The following SHB variants were observed in gnomAD, a reference collection of about 807,000 sequenced individuals.
SHB encodes SH2 domain containing adaptor protein B.
A neutral mutation model predicts 52.3 loss-of-function variants in SHB; 20 were observed. The ratio of observed to expected loss-of-function variants is 0.38; its 90% confidence interval spans 0.27 to 0.56. The LOEUF is 0.56. Among genes scored for constraint, SHB ranks in the 20% least tolerant of loss-of-function variants. The pLI, the probability that SHB is intolerant of heterozygous loss-of-function variation, is 0.71. For missense variants in SHB, 825 were observed against 723.3 expected (o/e 1.14, Z -1.61); for synonymous variants, 397 against 316.5 (o/e 1.25, Z -2.70).
At chr9:37,927,266 T>C (rs12002298) in intron 5 of SHB, among the ~76,000 whole-genome samples, 4,972 of 152,350 alleles carry the variant, frequency 0.033, 127 homozygotes, top group East Asian at 0.11. Context: ...GGAGGCCACG[T>C]GGCCAACACC....
rs1476967030 is a variant in SHB at position 38,036,276 on chromosome 9, GAACT to G, written c.718-20149_718-20146del. Among the ~76,000 whole-genome samples, 7 of 152,320 alleles carry G rather than the reference GAACT, an allele frequency of 4.6e-5. No individual in the cohort carries two copies. In the East Asian group the frequency reaches 7.7e-4, roughly 17 times the overall value. The stretch of plus-strand genomic sequence containing the variant: ...CTCCAGACCAAACCTCAACGAGGTA[GAACT>G]AACAGGGGAATGAATTTCTAAAACA... On this transcript the variant is annotated intron_variant, in intron 1 of 5. Coordinates refer to ENST00000377707, the MANE Select transcript of SHB (RefSeq NM_003028.3).
chr9:38,065,893 A>AT (rs570838743), intron 1 of SHB, among the ~76,000 whole-genome samples: 29 of 152,158 alleles, frequency 1.9e-4, no homozygotes, highest in East Asian at 5.8e-4. Flanking sequence ...CCAGCCAACC[A>AT]TGGTGACCAC....
At chr9:38,021,756 T>C (rs1341742457) in intron 1 of SHB, among the ~76,000 whole-genome samples, 1 of 152,044 alleles carries the variant, frequency 6.6e-6, no homozygotes, top group African/African-American at 2.4e-5. Context: ...TATTGCCCCA[T>C]GGTCACCTTC....
chr9:37,974,624 G>C lies in SHB; in HGVS notation c.1052C>G (p.Ala351Gly). 6.2e-7 allele frequency: 1 copy of C among 1,611,948 alleles called. No individual in the cohort carries two copies. Among genetic ancestry groups the C allele is most frequent in the Non-Finnish European group, 8.5e-7 (1 of 1,179,658 alleles). Residue 351 changes from alanine to glycine, a missense_variant and splice_region_variant, in exon 3 of 6, where the codon GCA (alanine) becomes GGA (glycine). Coordinates refer to ENST00000377707, the MANE Select transcript of SHB (RefSeq NM_003028.3). ...TGAGCAGGGTCAGGGCTCCTTACCT[G>C]CCAGGGCTGGGATGGTGACCCGGTT... Reference protein sequence around the residue: ...EWNRVTIPALAAQFNGNEKRQ... With the variant: ...EWNRVTIPALGAQFNGNEKRQ...
At position 38,067,968 on chromosome 9, in the gene SHB, G is replaced by A. The variant is rs1181222425; in HGVS notation, c.678C>T (p.Ala226=). ...GGKKLLNKCA[A]SAAEESGAGK... is the part of the protein sequence containing the mutation. The stretch of plus-strand genomic sequence containing the variant: ...CGGCCCCGCTCTCCTCCGCGGCTGA[G>A]GCGGCGCACTTGTTGAGCAGTTTCT... The change falls in exon 1 of 6, where the codon GCC becomes GCT. Residue 226 remains alanine, a synonymous_variant. Coordinates refer to ENST00000377707, the MANE Select transcript of SHB (RefSeq NM_003028.3). 1.9e-6 allele frequency: 3 copies of A among 1,553,420 alleles called. No homozygotes were observed. In the East Asian group the frequency reaches 7.4e-5, roughly 38 times the overall value.
rs556075533 is a variant in SHB at position 37,953,049 on chromosome 9, C to A, written c.1226+2834G>T. On this transcript the variant is annotated intron_variant, in intron 4 of 5. Coordinates refer to ENST00000377707, the MANE Select transcript of SHB (RefSeq NM_003028.3). ...TGGAAAGTCAGACCTTCAGGTCAAG[C>A]AGAGGCAAGGAGCCAGCAGAGGAGA... 1.6e-4 allele frequency among the ~76,000 whole-genome samples: 25 copies of A among 151,932 alleles called. 3 individuals carry two copies. The highest frequency in any genetic ancestry group is 4.8e-4 in the African/African-American group (20 of 41,418).
In SHB at chr9:37,948,661, G is replaced by T; in HGVS notation, c.1320C>A (p.Ser440Arg). ...CSYLVRNSQT[S>R]KHDYSLSLRS... is the part of the protein sequence containing the mutation. ...TCAGGGAGAGGGAGTAGTCATGCTTGCTGGTCTGGCTGTTCCGGACAAGGT... is the reference window on the plus strand; with the variant it reads ...TCAGGGAGAGGGAGTAGTCATGCTTTCTGGTCTGGCTGTTCCGGACAAGGT... The change falls in exon 5 of 6, where the codon AGC (serine) becomes AGA (arginine). Residue 440 changes from serine to arginine, a missense_variant. Coordinates refer to ENST00000377707, the MANE Select transcript of SHB (RefSeq NM_003028.3). 6.2e-7 allele frequency: 1 copy of T among 1,613,890 alleles called. No individual in the cohort carries two copies.
At chr9:38,036,941 C>T (rs899448718) in intron 1 of SHB, among the ~76,000 whole-genome samples, 1 of 152,298 alleles carries the variant, frequency 6.6e-6, no homozygotes, top group African/African-American at 2.4e-5. Flanking sequence ...AACTCGGGTG[C>T]TGTCTCTTAA....
chr9:38,000,620 G>T (rs1173849550), intron 2 of SHB, among the ~76,000 whole-genome samples: 1 of 152,262 alleles, frequency 6.6e-6, no homozygotes, highest in Non-Finnish European at 1.5e-5. Context: ...CTGCAACGCT[G>T]GGCTAACCTG....
Position 38,068,580 on chromosome 9 carries a change from C to T in SHB, c.66G>A (p.Pro22=). 1.3e-6 allele frequency: 2 copies of T among 1,490,898 alleles called. No individual in the cohort carries two copies. The highest frequency in any genetic ancestry group is 1.5e-5 in the African/African-American group (1 of 68,432). The allele number at this position is 1,490,898 out of a possible 1,614,324, so 92.4% of individuals were successfully genotyped here. A position where few individuals can be genotyped will look rare whatever the true frequency, so the allele number is the denominator to read the frequency against. Residue 22 remains proline (P), a synonymous_variant, in exon 1 of 6, where the codon CCG becomes CCA. Coordinates refer to ENST00000377707, the MANE Select transcript of SHB (RefSeq NM_003028.3). ...GNSKTKSPPQ[P]PRPDYREQRR... ...GCTGCTCGCGGTAGTCTGGCCGCGG[C>T]GGCTGCGGGGGGCTCTTGGTCTTGC...
intron 1 of SHB, among the ~76,000 whole-genome samples, chr9:38,022,531 G>A (rs1587248819): frequency 6.6e-6 from 1 of 152,294 alleles, no homozygotes; most frequent in East Asian, 1.9e-4. Context: ...TTGAAGGTGA[G>A]CAAATAGCAT....
chr9:38,067,749 C>T (rs1252792910), intron 1 of SHB, among the ~76,000 whole-genome samples, 180 bp downstream of exon 1: 1 of 152,144 alleles, frequency 6.6e-6, no homozygotes, highest in African/African-American at 2.4e-5. Flanking sequence ...GGTCAGGAGG[C>T]CGCCGGTCCC....
At chr9:38,057,954 G>A (rs1821842420) in intron 1 of SHB, among the ~76,000 whole-genome samples, 1 of 152,226 alleles carries the variant, frequency 6.6e-6, no homozygotes, top group South Asian at 2.1e-4. Flanking sequence ...GCCCTGTGGT[G>A]CCCAGCTCAG....
intron 5 of SHB, among the ~76,000 whole-genome samples, chr9:37,927,430 G>A (rs1832263277): frequency 1.3e-5 from 2 of 152,238 alleles, no homozygotes; most frequent in South Asian, 4.1e-4. Context: ...AGACGCATCA[G>A]CAGCGATTAG....
chr9:38,045,543 A>G (rs1239916264), intron 1 of SHB, among the ~76,000 whole-genome samples: 2 of 152,072 alleles, frequency 1.3e-5, no homozygotes, highest in African/African-American at 2.4e-5. Flanking sequence ...TCTGGGAGGT[A>G]GAGGTCGCAG....
At chr9:37,953,173 T>C (rs1587209425) in intron 4 of SHB, among the ~76,000 whole-genome samples, 1 of 151,878 alleles carries the variant, frequency 6.6e-6, no homozygotes, top group Non-Finnish European at 1.5e-5. Context: ...GAGGGGGTCG[T>C]CTGGGGACCG....
intron 2 of SHB, among the ~76,000 whole-genome samples, chr9:37,976,995 T>C (rs996249625): frequency 6.6e-6 from 1 of 152,180 alleles, no homozygotes; most frequent in Non-Finnish European, 1.5e-5. Context: ...ATCATTAGTG[T>C]TTACATGAAT....
At chr9:38,015,581 C>A in intron 2 of SHB, 1 of 658,678 alleles carries the variant, frequency 1.5e-6, no homozygotes, top group South Asian at 1.7e-5. Flanking sequence ...GTAATCTGGC[C>A]AGCTCTCTTC....
chr9:37,921,299 G>C (rs113207217), intron 5 of SHB, among the ~76,000 whole-genome samples: 3 of 152,232 alleles, frequency 2.0e-5, no homozygotes, highest in African/African-American at 2.4e-5. Context: ...CAGCCTTTCC[G>C]CTCCAGCTCC....
Sources: allele counts gnomAD v4.1 joint callset (sites outside exome capture counted in the v4.1 genomes callset), GRCh38; gene constraint gnomAD v4.1.1; transcripts MANE v1.5; gene names NCBI Gene and HGNC (gene_info 2026-07-23, HGNC 2026-07-21).